ZNF536: variants seen among roughly 807,000 people sequenced by gnomAD.
ZNF536 encodes the protein zinc finger protein 536.
Under a neutral mutation model 84.5 loss-of-function variants are expected in ZNF536, and 13 were observed. That is an observed-to-expected ratio of 0.15 (90% CI 0.10 to 0.24). The LOEUF is 0.24. Among genes scored for constraint, ZNF536 ranks in the 10% least tolerant of loss-of-function variants. The probability of loss-of-function intolerance (pLI) is 1.00; values close to 1 mark genes in which losing one functional copy is unlikely to be tolerated. For missense variants in ZNF536, 1,536 were observed against 1,747.5 expected (o/e 0.88, Z 2.16); for synonymous variants, 811 against 742.5 (o/e 1.09, Z -1.50).
intron 2 of ZNF536, among the ~76,000 whole-genome samples, chr19:30,495,793 A>G (rs974241558): frequency 6.6e-6 from 1 of 152,168 alleles, no homozygotes; most frequent in African/African-American, 2.4e-5. Context: ...GCAAAGCAGG[A>G]AGGGTGTGAC....
intron 2 of ZNF536, among the ~76,000 whole-genome samples, chr19:30,503,209 A>C (rs1476293885): frequency 6.6e-6 from 1 of 152,154 alleles, no homozygotes; most frequent in Non-Finnish European, 1.5e-5. Flanking sequence ...ATAACATGCA[A>C]AATACAGTAT....
At chr19:30,570,790 A>C (rs2046517758) in intron 1 of ZNF536, among the ~76,000 whole-genome samples, 1 of 152,186 alleles carries the variant, frequency 6.6e-6, no homozygotes, top group African/African-American at 2.4e-5. Flanking sequence ...AAGTCTCCTC[A>C]AAAAACATGG....
intron 1 of ZNF536, among the ~76,000 whole-genome samples, chr19:30,621,610 T>C (rs2048484493): frequency 6.6e-6 from 1 of 152,244 alleles, no homozygotes; most frequent in Admixed American, 6.5e-5. Context: ...CTGCCAGCCA[T>C]AATTCAGTGT....
At chr19:30,329,246 C>A (rs7259716) in intron 2 of ZNF536, among the ~76,000 whole-genome samples, 1 of 152,196 alleles carries the variant, frequency 6.6e-6, no homozygotes, top group African/African-American at 2.4e-5. Context: ...AGGACTGGAG[C>A]AATCAGCTTA....
intron 2 of ZNF536, among the ~76,000 whole-genome samples, chr19:30,457,052 A>C (rs1349688946): frequency 6.6e-6 from 1 of 150,442 alleles, no homozygotes; most frequent in Non-Finnish European, 1.5e-5. Flanking sequence ...AAAAAAAAAA[A>C]AAAACAAAAA....
intron 1 of ZNF536, among the ~76,000 whole-genome samples, chr19:30,619,136 A>G (rs1301250045): frequency 6.6e-6 from 1 of 152,092 alleles, no homozygotes; most frequent in Non-Finnish European, 1.5e-5. Context: ...GTGACTTTTC[A>G]AATACTCTTT....
chr19:30,670,545 C>T (rs780695407), intron 1 of ZNF536, among the ~76,000 whole-genome samples: 14 of 152,248 alleles, frequency 9.2e-5, no homozygotes, highest in Non-Finnish European at 1.5e-4. Flanking sequence ...TCTTCTCGGC[C>T]TTGCCAGGTT....
chr19:30,549,965 A>G (rs1472650364), intron 4 of ZNF536, among the ~76,000 whole-genome samples: 1 of 152,318 alleles, frequency 6.6e-6, no homozygotes, highest in South Asian at 2.1e-4. Context: ...CTTTTCTTTT[A>G]TTGACTTAGA....
chr19:30,708,380 G>A (rs1022871001), intron 1 of ZNF536, among the ~76,000 whole-genome samples: 1 of 152,234 alleles, frequency 6.6e-6, no homozygotes, highest in Non-Finnish European at 1.5e-5. Context: ...GGCAAAAGGG[G>A]TTGTGCTGTA....
At chr19:30,395,823 G>A (rs987849524) in intron 1 of ZNF536, among the ~76,000 whole-genome samples, 1 of 152,122 alleles carries the variant, frequency 6.6e-6, no homozygotes, top group Non-Finnish European at 1.5e-5. Context: ...TTTTCATTAT[G>A]TTTTTTAAGT....
rs2046534663 is a variant in ZNF536, at chr19:30,571,222, T to C, written c.169+21708T>C. On this transcript the variant is annotated intron_variant, in intron 1 of 1. Transcript: ENST00000592773. ...GGAGAGGTGGTCGGCTTCAGTGGGC[T>C]GGTTCGCTCAAAAGTCTAGTTCAAG... is the stretch of plus-strand genomic sequence containing the variant. Among the ~76,000 whole-genome samples the C allele has an allele frequency of 2.0e-5, 3 of 152,290 alleles. No individual in the cohort carries two copies. In the South Asian group the frequency reaches 6.2e-4, roughly 32 times the overall value.
rs112774649 is a variant in ZNF536, at chr19:30,569,629, G to A, written c.169+20115G>A. ...TCTGTCACCCAGTCTGGAGTGCAGT[G>A]GCATGATCTCCACTCACTGCAACTT... is the stretch of plus-strand genomic sequence containing the variant. On this transcript the variant is annotated intron_variant, in intron 1 of 1. Transcript: ENST00000592773. 7.0e-4 allele frequency among the ~76,000 whole-genome samples: 94 copies of A among 133,364 alleles called. 1 individual carries two copies. The highest frequency in any genetic ancestry group is 2.6e-3 in the African/African-American group (90 of 34,420). 87.5% of individuals were successfully genotyped at this position (133,364 alleles called of 152,430 possible).
At chr19:30,297,392 G>A (rs1038419927) in intron 2 of ZNF536, among the ~76,000 whole-genome samples, 8 of 152,036 alleles carry the variant, frequency 5.3e-5, no homozygotes, top group Admixed American at 3.9e-4. Context: ...AATGGCCCAC[G>A]TTTGATCTTA....
chr19:30,292,209 A>T (rs1294587518), intron 2 of ZNF536, among the ~76,000 whole-genome samples: 1 of 152,224 alleles, frequency 6.6e-6, no homozygotes, highest in East Asian at 1.9e-4. Context: ...TACAAGTCAC[A>T]TGTTACCTAA....
chr19:30,230,971 CTT>C (rs58301646), intron 1 of ZNF536, among the ~76,000 whole-genome samples: 3,739 of 145,352 alleles, frequency 0.026, 132 homozygotes, highest in African/African-American at 0.077. Context: ...TATAGATGAA[CTT>C]TTTTTTTTTT....
chr19:30,422,030 T>C lies in ZNF536; in HGVS notation c.-2-21531T>C, dbSNP rs962540596. Among the ~76,000 whole-genome samples the C allele has an allele frequency of 4.6e-5, 7 of 152,024 alleles. No individual in the cohort carries two copies. The South Asian group carries it at 6.2e-4, about 14-fold the overall frequency. Reference sequence around the variant, plus strand: ...TTAATTAAAAAAATATTAGCAGGGGTACAAAAACATGGGAAAAAATGTGAA... The same window carrying C: ...TTAATTAAAAAAATATTAGCAGGGGCACAAAAACATGGGAAAAAATGTGAA... On this transcript the variant is annotated intron_variant, in intron 1 of 4. Transcript: ENST00000355537.
rs11336660 is a variant in ZNF536 at position 30,404,019 on chromosome 19, CTTTTTTTTT to C, written c.-3+31475_-3+31483del. ...ATTTTTTTCTTTCCTTTCCTTTCCT[CTTTTTTTTT>C]TTTTTTTTTTTCTGCTGTTCATTTA... On this transcript the variant is annotated intron_variant, in intron 1 of 4. Coordinates refer to ENST00000355537, the MANE Select transcript of ZNF536 (RefSeq NM_014717.3). Among the ~76,000 whole-genome samples, 2 of 123,372 alleles carry C rather than the reference CTTTTTTTTT, an allele frequency of 1.6e-5. 1 individual carries two copies. Among genetic ancestry groups the C allele is most frequent in the South Asian group, 5.2e-4 (2 of 3,872 alleles). The allele number at this position is 123,372 out of a possible 152,430, so 80.9% of individuals were successfully genotyped here. A position where few individuals can be genotyped will look rare whatever the true frequency, so the allele number is the denominator to read the frequency against.
chr19:30,387,695 A>C (rs1214598938), intron 1 of ZNF536, among the ~76,000 whole-genome samples: 1 of 152,244 alleles, frequency 6.6e-6, no homozygotes, highest in Non-Finnish European at 1.5e-5. Flanking sequence ...GGCTGCAGAC[A>C]CTAATGGCTG....
chr19:30,627,468 C>CAAAAAAAAAAAAAAAAA lies in ZNF536; in HGVS notation c.169+77973_169+77989dup, dbSNP rs569312789. Among the ~76,000 whole-genome samples, 9 of 52,050 alleles carry CAAAAAAAAAAAAAAAAA rather than the reference C, an allele frequency of 1.7e-4. 3 individuals carry two copies. The East Asian group carries it at 1.9e-3, about 11-fold the overall frequency. The allele number at this position is 52,050 out of a possible 152,430, so 34.1% of individuals were successfully genotyped here. On this transcript the variant is annotated intron_variant, in intron 1 of 1. Transcript: ENST00000592773. ...CCTGGGTGACAGACCAAGGCCCTGT[C>CAAAAAAAAAAAAAAAAA]AAAAAAAAAAAAAAAAAAAAAAAAA...
Sources: allele counts gnomAD v4.1 joint callset (sites outside exome capture counted in the v4.1 genomes callset), GRCh38; gene constraint gnomAD v4.1.1; transcripts MANE v1.5; gene names NCBI Gene and HGNC (gene_info 2026-07-23, HGNC 2026-07-21).